The following CSMD3 variants were observed in gnomAD, a reference collection of about 807,000 sequenced individuals.
CSMD3 encodes the protein CUB and sushi domain-containing protein 3.
A neutral mutation model predicts 435.2 loss-of-function variants in CSMD3; 177 were observed. That is an observed-to-expected ratio of 0.41 (90% CI 0.36 to 0.46). The LOEUF is 0.46. Ranked by LOEUF, CSMD3 falls within the 20% of genes least tolerant of loss-of-function variation. The pLI, the probability that CSMD3 is intolerant of heterozygous loss-of-function variation, is 0.34. For synonymous variants in CSMD3, 1,656 were observed against 1,520.5 expected, an observed-to-expected ratio of 1.09 and a Z score of -2.07; for missense variants, 4,265 against 4,504.6, an observed-to-expected ratio of 0.95 and a Z score of 1.52.
intron 13 of CSMD3, among the ~76,000 whole-genome samples, chr8:112,700,797 G>C (rs529617409): frequency 6.6e-6 from 1 of 152,042 alleles, no homozygotes; most frequent in African/African-American, 2.4e-5. Context: ...CTTCCTACAG[G>C]GGCTGGATAG....
intron 37 of CSMD3, among the ~76,000 whole-genome samples, chr8:112,381,368 T>C (rs975178429): frequency 3.0e-4 from 45 of 152,202 alleles, no homozygotes; most frequent in Non-Finnish European, 1.3e-4. Flanking sequence ...ATATAAAGTA[T>C]CTGCTTGAAT....
At chr8:112,622,011 G>C (rs900476881) in intron 22 of CSMD3, among the ~76,000 whole-genome samples, 2 of 152,086 alleles carry the variant, frequency 1.3e-5, no homozygotes, top group Admixed American at 1.3e-4. Flanking sequence ...TCTTAGAAAG[G>C]TCTGAGGTCT....
chr8:112,275,615 C>T (rs1426700844), intron 59 of CSMD3, among the ~76,000 whole-genome samples: 3 of 152,024 alleles, frequency 2.0e-5, no homozygotes, highest in South Asian at 4.2e-4. Flanking sequence ...GGAGGTCTCA[C>T]AATCATGGCA....
intron 3 of CSMD3, among the ~76,000 whole-genome samples, chr8:113,190,407 G>A (rs1328472346): frequency 6.6e-6 from 1 of 151,720 alleles, no homozygotes; most frequent in Admixed American, 6.6e-5. Context: ...TTCAGGAAAC[G>A]AGAACTGCAA....
chr8:112,440,642 C>T (rs924092592), intron 32 of CSMD3, among the ~76,000 whole-genome samples: 2 of 148,694 alleles, frequency 1.3e-5, no homozygotes, highest in Admixed American at 6.6e-5. Context: ...GGTGTTCCCA[C>T]ACATCCTCTG....
chr8:112,832,833 G>C (rs2079915330), intron 11 of CSMD3, among the ~76,000 whole-genome samples: 1 of 152,068 alleles, frequency 6.6e-6, no homozygotes, highest in Non-Finnish European at 1.5e-5. Flanking sequence ...TTTTTACACA[G>C]CAATATAAAT....
At chr8:113,192,608 C>G (rs1246223693) in intron 3 of CSMD3, among the ~76,000 whole-genome samples, 1 of 151,576 alleles carries the variant, frequency 6.6e-6, no homozygotes, top group Non-Finnish European at 1.5e-5. Context: ...TTTTTTCTCT[C>G]CCTTATGGAA....
chr8:112,726,829 G>A (rs2131993111), intron 13 of CSMD3, among the ~76,000 whole-genome samples: 1 of 151,924 alleles, frequency 6.6e-6, no homozygotes, highest in East Asian at 1.9e-4. Flanking sequence ...TTGATGTAAT[G>A]TATTAGATTT....
intron 6 of CSMD3, chr8:113,018,774 T>C (rs994355301): frequency 2.7e-6 from 1 of 366,546 alleles, no homozygotes; most frequent in East Asian, 5.7e-5. Flanking sequence ...CAACTTCAGA[T>C]AGTATATCCA....
intron 4 of CSMD3, among the ~76,000 whole-genome samples, chr8:113,153,134 G>GAAAGAAAGAAAGAAAGAAAGAAAGA (rs1564370995): frequency 1.1e-5 from 1 of 94,076 alleles, no homozygotes; most frequent in Non-Finnish European, 1.9e-5. Context: ...AGAGAAAGAA[G>GAAAGAAAGAAAGAAAGAAAGAAAGA]GAAGGAAGGA....
intron 5 of CSMD3, among the ~76,000 whole-genome samples, chr8:113,053,483 T>C (rs1177598504): frequency 6.6e-6 from 1 of 152,080 alleles, no homozygotes; most frequent in Non-Finnish European, 1.5e-5. Flanking sequence ...AAATACCTAA[T>C]ATCCTTATTG....
chr8:112,302,025 A>T (rs1563760898), intron 52 of CSMD3, 59 bp from the exon 53 acceptor site: 1 of 1,181,464 alleles, frequency 8.5e-7, no homozygotes, highest in Non-Finnish European at 1.2e-6. Flanking sequence ...CACTTGTAAC[A>T]AAACTGTGCT....
At chr8:113,308,258 CTTTTT>C (rs11440584) in intron 2 of CSMD3, among the ~76,000 whole-genome samples, 2 of 64,918 alleles carry the variant, frequency 3.1e-5, no homozygotes, top group African/African-American at 1.2e-4. Flanking sequence ...TCATTTAAGT[CTTTTT>C]TTTTTTTTTT....
At chr8:112,678,689 T>C (rs537248421) in intron 16 of CSMD3, among the ~76,000 whole-genome samples, 1 of 144,974 alleles carries the variant, frequency 6.9e-6, no homozygotes, top group East Asian at 2.0e-4. Context: ...TACCTTCTAA[T>C]TTTAATACAC....
intron 20 of CSMD3, 22 bp downstream of exon 20, chr8:112,645,087 A>G: frequency 8.9e-7 from 1 of 1,119,404 alleles, no homozygotes; most frequent in Non-Finnish European, 1.4e-6. Context: ...TAGTCCAATT[A>G]TTATTTCATG....
rs2093447007 is a variant in CSMD3 at position 113,263,893 on chromosome 8, A to G, written c.514+14699T>C. On this transcript the variant is annotated intron_variant, in intron 3 of 70. Coordinates refer to ENST00000297405, the MANE Select transcript of CSMD3 (RefSeq NM_198123.2). ...TACTGAGAAAATGAAATTTGAGGCT[A>G]TTATTTTATTCATGCTGAAAATTTT... Among the ~76,000 whole-genome samples the G allele has an allele frequency of 2.0e-5, 3 of 151,752 alleles. No homozygotes were observed. The South Asian group carries it at 6.2e-4, about 31-fold the overall frequency.
chr8:112,686,781 C>T (rs1286870917), intron 14 of CSMD3, among the ~76,000 whole-genome samples: 2 of 152,046 alleles, frequency 1.3e-5, no homozygotes, highest in Non-Finnish European at 2.9e-5. Context: ...CTACCGTGCC[C>T]GGCCTTTTAT....
intron 1 of CSMD3, among the ~76,000 whole-genome samples, chr8:113,387,998 T>TATTCATC (rs1312508148): frequency 4.0e-5 from 6 of 151,822 alleles, no homozygotes; most frequent in African/African-American, 1.4e-4. Context: ...TATTGTGGCA[T>TATTCATC]ATTCATCTAG....
chr8:112,838,295 G>A (rs557628580), intron 11 of CSMD3, among the ~76,000 whole-genome samples: 8 of 151,760 alleles, frequency 5.3e-5, no homozygotes, highest in South Asian at 2.1e-4. Flanking sequence ...GAACACTAGC[G>A]ATGAAGGCAG....
Sources: gnomAD v4.1 joint callset for allele counts (sites outside exome capture counted in the v4.1 genomes callset) on GRCh38, gnomAD v4.1.1 for gene constraint, MANE v1.5 for transcripts, NCBI Gene and HGNC (gene_info 2026-07-23, HGNC 2026-07-21) for gene names.